BCR: variants seen among roughly 807,000 people sequenced by gnomAD.
BCR encodes BCR activator of RhoGEF and GTPase.
A neutral mutation model predicts 138.6 loss-of-function variants in BCR; 58 were observed. The ratio of observed to expected loss-of-function variants is 0.42; its 90% CI spans 0.34 to 0.52. BCR has a LOEUF of 0.52. BCR is among the 20% of genes least tolerant of loss of function. BCR has a pLI of 0.06. For synonymous variants in BCR, 786 were observed against 730.1 expected, an observed-to-expected ratio of 1.08 and a Z score of -1.23; for missense variants, 1,599 against 1,727.2, an observed-to-expected ratio of 0.93 and a Z score of 1.32.
chr22:23,237,974 C>T lies in BCR; in HGVS notation c.1280-15825C>T, dbSNP rs377160442. On this transcript the variant is annotated intron_variant, in intron 1 of 22. Coordinates refer to ENST00000305877, the MANE Select transcript of BCR (RefSeq NM_004327.4). ...GGAGTGCGTGAACAGGTGAGGCTTC[C>T]GGTAATTATGACAAGTGATGCTTGT... is the stretch of plus-strand genomic sequence containing the variant. 2.4e-4 allele frequency among the ~76,000 whole-genome samples: 36 copies of T among 152,312 alleles called. 1 individual carries two copies. The South Asian group carries it at 5.8e-3, about 25-fold the overall frequency.
intron 14 of BCR, among the ~76,000 whole-genome samples, chr22:23,292,108 T>C (rs1649272444): frequency 6.6e-6 from 1 of 152,166 alleles, no homozygotes; most frequent in Non-Finnish European, 1.5e-5. Context: ...TTGCCTTAAC[T>C]CTTTGCCCCA....
In BCR at chr22:23,273,862, C is replaced by T. The variant is rs116355858; in HGVS notation, c.2115+88C>T. On this transcript the variant is annotated intron_variant, in intron 8 of 22. Transcript: ENST00000305877. ...CCTCGATCTGAGGTCTGGAGCCCTTCCTGGTCCTCAGCAGACCTTGCCTTC... is the reference window on the plus strand; with the variant it reads ...CCTCGATCTGAGGTCTGGAGCCCTTTCTGGTCCTCAGCAGACCTTGCCTTC... 1,109 of 1,556,634 alleles carry T rather than the reference C, an allele frequency of 7.1e-4. 3 individuals carry two copies. In the African/African-American group the frequency reaches 0.011, roughly 15 times the overall value.
In BCR at chr22:23,243,487, G is replaced by A. The variant is rs555466915; in HGVS notation, c.1280-10312G>A. Among the ~76,000 whole-genome samples the A allele has an allele frequency of 3.3e-5, 5 of 152,244 alleles. No homozygotes were observed. The East Asian group carries it at 9.7e-4, about 29-fold the overall frequency. ...CTTTCACGTTGGTGAACACATGAAG[G>A]TGCTGGGAGGGCAGTGCCCCAAGAG... On this transcript the variant is annotated intron_variant, in intron 1 of 22. Transcript: ENST00000305877.
rs775701065 is a variant in BCR at position 23,292,658 on chromosome 22, A to G, written c.2880+20A>G. 4.3e-5 allele frequency: 68 copies of G among 1,591,410 alleles called. No individual in the cohort carries two copies. Among genetic ancestry groups the G allele is most frequent in the Admixed American group, 4.0e-4 (24 of 59,440 alleles). On this transcript the variant is annotated intron_variant, in intron 15 of 22. Transcript: ENST00000305877. ...AACGAGGTGAGGAACTGATTCCACA[A>G]GGGCCCAGCCTGCCAGGTGGGGCAC...
chr22:23,203,067 C>A (rs1457731794), intron 1 of BCR, among the ~76,000 whole-genome samples: 2 of 152,118 alleles, frequency 1.3e-5, no homozygotes, highest in East Asian at 3.9e-4. Context: ...GCTGTGTTGC[C>A]CAGGCTGGTC....
At chr22:23,268,006 G>A (rs1019714240) in intron 4 of BCR, among the ~76,000 whole-genome samples, 6 of 152,190 alleles carry the variant, frequency 3.9e-5, no homozygotes, top group African/African-American at 1.4e-4. Context: ...GTGGGAAAGG[G>A]GGTGACCTCT....
At chr22:23,267,842 C>T (rs1401250872) in intron 4 of BCR, among the ~76,000 whole-genome samples, 3 of 152,190 alleles carry the variant, frequency 2.0e-5, no homozygotes, top group Non-Finnish European at 4.4e-5. Flanking sequence ...CGGTCGGTCT[C>T]CCCCCACCAG....
At chr22:23,238,533 T>C (rs1187094510) in intron 1 of BCR, among the ~76,000 whole-genome samples, 1 of 152,130 alleles carries the variant, frequency 6.6e-6, no homozygotes, top group Non-Finnish European at 1.5e-5. Context: ...GCTCAGGGTA[T>C]GTTGGTTCCA....
chr22:23,246,604 T>G (rs997339090), intron 1 of BCR, among the ~76,000 whole-genome samples: 1 of 152,168 alleles, frequency 6.6e-6, no homozygotes, highest in Non-Finnish European at 1.5e-5. Flanking sequence ...GTCACACAGG[T>G]GCAGCTGGGC....
chr22:23,270,142 G>A (rs1403678894), intron 5 of BCR, among the ~76,000 whole-genome samples: 1 of 152,194 alleles, frequency 6.6e-6, no homozygotes, highest in Middle Eastern at 3.2e-3. Flanking sequence ...AGCAAGCCCT[G>A]CAGAGGTGTT....
chr22:23,257,208 T>G (rs1341871939), intron 2 of BCR, among the ~76,000 whole-genome samples: 1 of 152,184 alleles, frequency 6.6e-6, no homozygotes, highest in Non-Finnish European at 1.5e-5. Flanking sequence ...AGATTCTTAG[T>G]CTAAGGAGAA....
chr22:23,220,616 T>C (rs563335098), intron 1 of BCR, among the ~76,000 whole-genome samples: 1 of 152,296 alleles, frequency 6.6e-6, no homozygotes, highest in East Asian at 1.9e-4. Flanking sequence ...CAAGCTCAGC[T>C]CACTTCCTCT....
chr22:23,196,330 G>C (rs2072481032), intron 1 of BCR, among the ~76,000 whole-genome samples: 1 of 152,152 alleles, frequency 6.6e-6, no homozygotes, highest in Non-Finnish European at 1.5e-5. Flanking sequence ...GGACAAGCAG[G>C]CACCTAAAGT....
chr22:23,287,148 T>A lies in BCR; in HGVS notation c.2407-11T>A. On this transcript the variant is annotated splice_polypyrimidine_tract_variant and intron_variant, in intron 10 of 22. Transcript: ENST00000305877. ...GGAATGGGAAGGTGAGGCTGTGGCA[T>A]CTCCCCACAGAGGGCGAACAAGGGC... The A allele has an allele frequency of 6.3e-7, 1 of 1,575,236 alleles. No homozygotes were observed. The highest frequency in any genetic ancestry group is 8.6e-7 in the Non-Finnish European group (1 of 1,159,730).
At position 23,284,094 on chromosome 22, in the gene BCR, G is replaced by A. The variant is rs767611232; in HGVS notation, c.2233G>A (p.Gly745Arg). 4 of 1,612,484 alleles carry A rather than the reference G, an allele frequency of 2.5e-6. No individual in the cohort carries two copies. Among genetic ancestry groups the A allele is most frequent in the Non-Finnish European group, 2.5e-6 (3 of 1,179,536 alleles). The part of the protein sequence containing the change: ...LLCTKLKKQS[G>R]GKTQQYDCKW... Reference sequence around the variant, plus strand: ...CTGCACCAAGCTCAAGAAGCAGAGCGGAGGGTGAGTGACGATGTGGCCCCT... The same window carrying A: ...CTGCACCAAGCTCAAGAAGCAGAGCAGAGGGTGAGTGACGATGTGGCCCCT... The change falls in exon 9 of 23, where the codon GGA (glycine) becomes AGA (arginine). Residue 745 changes from glycine to arginine, a missense_variant. Gly to Arg is a moderately radical substitution (Grantham distance 125). Around this residue, in one of 4 missense-constraint regions of BCR, gnomAD observed 590 missense variants for 762.4 expected, o/e 0.77. Transcript: ENST00000305877.
intron 1 of BCR, among the ~76,000 whole-genome samples, chr22:23,182,923 G>T (rs1262765676): frequency 6.6e-6 from 1 of 152,174 alleles, no homozygotes; most frequent in Non-Finnish European, 1.5e-5. Flanking sequence ...AGCCACACCC[G>T]TTCTGATCTG....
intron 1 of BCR, among the ~76,000 whole-genome samples, chr22:23,228,406 A>G (rs1414444999): frequency 6.6e-6 from 1 of 152,156 alleles, no homozygotes; most frequent in Non-Finnish European, 1.5e-5. Flanking sequence ...AGGTTTTTCC[A>G]GGTGTCATTC....
chr22:23,314,048 C>T lies in BCR; in HGVS notation c.3538C>T (p.Leu1180Phe). ...GCCGGAGGCCAACCTGCTCACCTTC[C>T]TTTTCCTTCTGGACCACCTGAAAAG... is the stretch of plus-strand genomic sequence containing the variant. Reference protein sequence around the residue: ...SLPEANLLTFLFLLDHLKRVA... With the variant: ...SLPEANLLTFFFLLDHLKRVA... Residue 1180 changes from leucine to phenylalanine, a missense_variant, in exon 21 of 23, where the codon CTT (leucine) becomes TTT (phenylalanine). This residue lies in a region of BCR where 177 missense variants were observed against 226.4 expected (regional missense o/e 0.78). Coordinates refer to ENST00000305877, the MANE Select transcript of BCR (RefSeq NM_004327.4). 1 of 1,613,738 alleles carries T rather than the reference C, an allele frequency of 6.2e-7. No homozygotes were observed. Among genetic ancestry groups the T allele is most frequent in the East Asian group, 2.2e-5 (1 of 44,876 alleles).
At position 23,256,602 on chromosome 22, in the gene BCR, G is replaced by A. The variant is rs537169690; in HGVS notation, c.1461+2622G>A. On this transcript the variant is annotated intron_variant, in intron 2 of 22. Coordinates refer to ENST00000305877, the MANE Select transcript of BCR (RefSeq NM_004327.4). ...CAAGAGGGTCCTTTCTCCAGCAGCT[G>A]TGCTAGCTACACACTCCCAGCCCAG... Among the ~76,000 whole-genome samples the A allele has an allele frequency of 3.9e-5, 6 of 152,254 alleles. No homozygotes were observed. In the South Asian group the frequency reaches 6.2e-4, roughly 16 times the overall value.
Sources: gnomAD v4.1 joint callset for allele counts (sites outside exome capture counted in the v4.1 genomes callset) on GRCh38, gnomAD v4.1.1 for gene constraint, gnomAD v4.1.1 regional missense constraint, MANE v1.5 for transcripts, NCBI Gene and HGNC (gene_info 2026-07-23, HGNC 2026-07-21) for gene names.